CABP1: variants seen among roughly 807,000 people sequenced by gnomAD.
CABP1 encodes calcium-binding protein 1.
Under a neutral mutation model 34.3 loss-of-function variants are expected in CABP1, and 17 were observed. The ratio of observed to expected loss-of-function variants is 0.50; its 90% confidence interval spans 0.34 to 0.74. The LOEUF is 0.74. Ranked by LOEUF, CABP1 falls within the 30% of genes least tolerant of loss-of-function variation. The pLI, the probability that CABP1 is intolerant of heterozygous loss-of-function variation, is 0.01. For missense variants in CABP1, 373 were observed against 511.1 expected, an observed-to-expected ratio of 0.73 and a Z score of 2.61; for synonymous variants, 198 against 229.2, an observed-to-expected ratio of 0.86 and a Z score of 1.23.
At chr12:120,666,844 T>G in intron 5 of CABP1, 31 bp from the exon 6 acceptor site, 5 of 1,596,184 alleles carry the variant, frequency 3.1e-6, no homozygotes, top group Non-Finnish European at 4.3e-6. Context: ...TGGCTGCTGC[T>G]TGCTCCCCAG....
chr12:120,654,045 G>C (rs1429063760), intron 1 of CABP1, among the ~76,000 whole-genome samples: 1 of 152,164 alleles, frequency 6.6e-6, no homozygotes, highest in Non-Finnish European at 1.5e-5. Context: ...GTTCTGCCTC[G>C]CTCTAGTCTT....
Position 120,652,640 on chromosome 12 carries a change from C to A in CABP1, c.655-7238C>A, listed in dbSNP as rs148936627. Among the ~76,000 whole-genome samples the A allele has an allele frequency of 8.3e-3, 1,258 of 152,302 alleles. 19 individuals carry two copies. Among genetic ancestry groups the A allele is most frequent in the African/African-American group, 0.029 (1,210 of 41,564 alleles). ...AAATGTTATTCATAGATTTCTGGAT[C>A]TGACCTTAGAAGTCGTCTAGTCCAA... On this transcript the variant is annotated intron_variant, in intron 1 of 5. Transcript: ENST00000316803.
chr12:120,669,583 G>A (rs1417993892), downstream of CABP1, among the ~76,000 whole-genome samples: 5 of 152,128 alleles, frequency 3.3e-5, no homozygotes, highest in Admixed American at 6.6e-5. Flanking sequence ...GTGAAACCCC[G>A]TCTGTACTAA....
Position 120,640,789 on chromosome 12 carries a change from C to A in CABP1, c.104C>A (p.Ala35Asp). The A allele has an allele frequency of 8.9e-7, 1 of 1,122,864 alleles. No homozygotes were observed. The highest frequency in any genetic ancestry group is 1.1e-6 in the Non-Finnish European group (1 of 919,344). The allele number at this position is 1,122,864 out of a possible 1,614,324, so 69.6% of individuals were successfully genotyped here. The stretch of plus-strand genomic sequence containing the variant: ...CGCCGGGAGCCCCGTTCTCTGCCCG[C>A]CGGGGGCCCCGCGCCGCGCCGCACC... ...GSRREPRSLP[A>D]GGPAPRRTAP... Residue 35 changes from alanine (A) to aspartate (D), a missense_variant, in exon 1 of 6, where the codon GCC (alanine) becomes GAC (aspartate). Physicochemically the swap from Ala to Asp is moderately radical, Grantham distance 126. This residue lies in a region of CABP1 where 134 missense variants were observed against 145.4 expected (regional missense o/e 0.92). Transcript: ENST00000316803. The surrounding 1 kb of genome is among the most constrained non-coding windows in gnomAD (Gnocchi z 6.2).
intron 1 of CABP1, chr12:120,650,406 C>T (rs898694146): frequency 1.1e-5 from 13 of 1,220,004 alleles, no homozygotes; most frequent in Non-Finnish European, 1.4e-5. Context: ...AAGTTAAACC[C>T]ACACACAAAC....
chr12:120,651,240 C>T (rs930060195), intron 1 of CABP1, among the ~76,000 whole-genome samples: 7 of 152,080 alleles, frequency 4.6e-5, no homozygotes, highest in African/African-American at 1.4e-4. Context: ...CAAATAGGAC[C>T]CGAGTGGTTT....
intron 1 of CABP1, among the ~76,000 whole-genome samples, chr12:120,642,809 A>C (rs1879397252): frequency 6.6e-6 from 1 of 151,886 alleles, no homozygotes; most frequent in South Asian, 2.1e-4. Flanking sequence ...TTATTAAGGA[A>C]ACCTTCAGGG....
chr12:120,665,583 G>A (rs953704306), intron 5 of CABP1, among the ~76,000 whole-genome samples: 8 of 152,126 alleles, frequency 5.3e-5, no homozygotes, highest in Middle Eastern at 3.4e-3. Context: ...TGTCGGTGTC[G>A]GTTTCTCACT....
intron 1 of CABP1, among the ~76,000 whole-genome samples, chr12:120,646,541 G>A (rs1292060004): frequency 6.6e-6 from 1 of 152,096 alleles, no homozygotes; most frequent in African/African-American, 2.4e-5. Flanking sequence ...AAGAGACAAG[G>A]TCTTGCTCTG....
the CABP1 span, among the ~76,000 whole-genome samples, chr12:120,673,004 T>C: frequency 6.6e-6 from 1 of 151,934 alleles, no homozygotes; most frequent in Admixed American, 6.6e-5. Flanking sequence ...CACTCCAGCC[T>C]GGGCGATACA....
At chr12:120,655,957 C>G in intron 1 of CABP1, 1 of 1,543,498 alleles carries the variant, frequency 6.5e-7, no homozygotes, top group Non-Finnish European at 8.7e-7. Flanking sequence ...CCTGTGCACG[C>G]TCAGGGCTCT....
At chr12:120,654,009 C>G (rs1359177081) in intron 1 of CABP1, among the ~76,000 whole-genome samples, 1 of 152,220 alleles carries the variant, frequency 6.6e-6, no homozygotes, top group Non-Finnish European at 1.5e-5. Context: ...CTTTGATCCA[C>G]TCTCCCAGAT....
intron 5 of CABP1, 39 bp from the exon 6 acceptor site, chr12:120,666,836 G>A: frequency 6.3e-7 from 1 of 1,589,208 alleles, no homozygotes. Flanking sequence ...GAGGCCTCTG[G>A]CTGCTGCTTG....
At chr12:120,674,906 G>A in the CABP1 span, among the ~76,000 whole-genome samples, 3 of 142,340 alleles carry the variant, frequency 2.1e-5, no homozygotes, top group East Asian at 4.0e-4. Flanking sequence ...ACCCACCTCC[G>A]CCAAAAAAAA....
Position 120,661,479 on chromosome 12 carries a change from CCTAT to C in CABP1, c.1087+267_1087+270del, listed in dbSNP as rs1305624498. The C allele has an allele frequency of 4.6e-6, 2 of 438,546 alleles. No individual in the cohort carries two copies. The highest frequency in any genetic ancestry group is 2.0e-5 in the African/African-American group (1 of 50,328). The allele number at this position is 438,546 out of a possible 1,614,324, so 27.2% of individuals were successfully genotyped here. A position where few individuals can be genotyped will look rare whatever the true frequency, so the allele number is the denominator to read the frequency against. Reference sequence around the variant, plus strand: ...GTCCATTTATCCATCCATTCATCTACCTATCTATCCATCTGTCCACCATCCATCC... The same window carrying C: ...GTCCATTTATCCATCCATTCATCTACCTATCCATCTGTCCACCATCCATCC... On this transcript the variant is annotated intron_variant, in intron 5 of 5. Transcript: ENST00000316803. This position sits in a 1 kb window ranked among gnomAD's most constrained non-coding sequence, Gnocchi z 5.1.
chr12:120,663,450 A>G (rs930088596), intron 5 of CABP1, among the ~76,000 whole-genome samples: 1 of 151,398 alleles, frequency 6.6e-6, no homozygotes, highest in Non-Finnish European at 1.5e-5. Context: ...AATTTTTTGT[A>G]TTTTTAGTAG....
chr12:120,678,797 C>T, the CABP1 span, among the ~76,000 whole-genome samples: 1 of 151,246 alleles, frequency 6.6e-6, no homozygotes, highest in Non-Finnish European at 1.5e-5. Context: ...CCTGGACGGG[C>T]GTGGTGACAC....
At position 120,641,371 on chromosome 12, in the gene CABP1, G is replaced by A; in HGVS notation, c.654+32G>A. On this transcript the variant is annotated intron_variant, in intron 1 of 5. Coordinates refer to ENST00000316803, the MANE Select transcript of CABP1 (RefSeq NM_001033677.2). The surrounding 1 kb of genome is among the most constrained non-coding windows in gnomAD (Gnocchi z 6.7). ...GCCGCGCCTCCCGTCAGCGCTCCCG[G>A]GAAAGGCGCTCGGGACCCTGCCGGC... The A allele has an allele frequency of 1.6e-6, 2 of 1,255,762 alleles. No individual in the cohort carries two copies. Among genetic ancestry groups the A allele is most frequent in the Non-Finnish European group, 1.0e-6 (1 of 999,768 alleles). 77.8% of individuals were successfully genotyped at this position (1,255,762 alleles called of 1,614,324 possible). A position where few individuals can be genotyped will look rare whatever the true frequency, so the allele number is the denominator to read the frequency against.
chr12:120,673,276 T>G, the CABP1 span, among the ~76,000 whole-genome samples: 1 of 151,958 alleles, frequency 6.6e-6, no homozygotes, highest in Non-Finnish European at 1.5e-5. Flanking sequence ...CTGTGTCTTA[T>G]TTTACAATAA....
Sources: allele counts gnomAD v4.1 joint callset (sites outside exome capture counted in the v4.1 genomes callset), GRCh38; gene constraint gnomAD v4.1.1; regional missense constraint gnomAD v4.1.1; non-coding constraint Gnocchi (gnomAD v3.1); transcripts MANE v1.5; gene names NCBI Gene and HGNC (gene_info 2026-07-23, HGNC 2026-07-21).